Variants in SMYD3 observed in about 807,000 individuals in gnomAD.
The protein encoded by SMYD3 is SET and MYND domain containing 3, also known as histone-lysine N-methyltransferase SMYD3.
In SMYD3, 36 loss-of-function variants were observed where a neutral mutation model predicts 57.7. That is an observed-to-expected ratio of 0.62 (90% CI 0.48 to 0.82). The LOEUF is 0.82. Among genes scored for constraint, SMYD3 ranks in the 40% least tolerant of loss-of-function variants. The pLI is 0.00. For synonymous variants in SMYD3, 211 were observed against 195.0 expected, an observed-to-expected ratio of 1.08 and a Z score of -0.68; for missense variants, 515 against 538.8, an observed-to-expected ratio of 0.96 and a Z score of 0.44.
intron 11 of SMYD3, among the ~76,000 whole-genome samples, chr1:245,759,653 G>C (rs926386622): frequency 6.7e-4 from 102 of 152,226 alleles, no homozygotes; most frequent in African/African-American, 2.3e-3. Flanking sequence ...TCTAGGACTT[G>C]CGGCCTGGTG....
At chr1:245,760,559 G>A (rs80077957) in intron 11 of SMYD3, among the ~76,000 whole-genome samples, 5,129 of 152,228 alleles carry the variant, frequency 0.034, 206 homozygotes, top group Admixed American at 0.11. Context: ...CTAACCAGCA[G>A]GCCCAGGGGG....
chr1:246,431,603 G>A (rs1048464343), intron 1 of SMYD3, among the ~76,000 whole-genome samples: 4 of 152,108 alleles, frequency 2.6e-5, no homozygotes, highest in African/African-American at 7.2e-5. Flanking sequence ...GCTGGTGTGC[G>A]CCTGCAGTCC....
intron 5 of SMYD3, among the ~76,000 whole-genome samples, chr1:246,220,154 G>C (rs1558325161): frequency 6.6e-6 from 1 of 152,062 alleles, no homozygotes; most frequent in Non-Finnish European, 1.5e-5. Flanking sequence ...ATCTTAAATT[G>C]TCCCAAATGG....
chr1:246,366,977 A>T (rs1007323083), intron 1 of SMYD3, among the ~76,000 whole-genome samples: 1 of 152,050 alleles, frequency 6.6e-6, no homozygotes, highest in African/African-American at 2.4e-5. Flanking sequence ...TTCAAATTGA[A>T]CAACAAAGCC....
chr1:245,940,117 C>T (rs1250469030), intron 5 of SMYD3, among the ~76,000 whole-genome samples: 2 of 152,170 alleles, frequency 1.3e-5, no homozygotes, highest in Admixed American at 1.3e-4. Context: ...CAGGGGTTTA[C>T]GGACAGAACT....
At chr1:246,361,943 A>G (rs2065994839) in intron 1 of SMYD3, among the ~76,000 whole-genome samples, 1 of 152,132 alleles carries the variant, frequency 6.6e-6, no homozygotes, top group South Asian at 2.1e-4. Flanking sequence ...AAACCTATTG[A>G]AATTAAAAAA....
intron 5 of SMYD3, among the ~76,000 whole-genome samples, chr1:246,042,261 T>G (rs550856294): frequency 6.6e-6 from 1 of 152,270 alleles, no homozygotes; most frequent in South Asian, 2.1e-4. Flanking sequence ...TTTCTCTGGA[T>G]TCACAGATAT....
intron 5 of SMYD3, among the ~76,000 whole-genome samples, chr1:246,181,970 G>A (rs542936880): frequency 4.6e-5 from 7 of 152,190 alleles, no homozygotes; most frequent in African/African-American, 1.7e-4. Context: ...TTTCACAGGG[G>A]GCATTTGTAA....
chr1:246,101,153 G>A (rs1462627569), intron 5 of SMYD3, among the ~76,000 whole-genome samples: 1 of 140,674 alleles, frequency 7.1e-6, no homozygotes, highest in East Asian at 2.2e-4. Flanking sequence ...TACCTGAGAT[G>A]TTAGGGTTAG....
chr1:246,307,501 G>A (rs1405499248), intron 5 of SMYD3, among the ~76,000 whole-genome samples: 3 of 141,984 alleles, frequency 2.1e-5, no homozygotes, highest in East Asian at 2.2e-4. Context: ...CTCACTGCAA[G>A]CTCCGCCTCC....
At chr1:246,422,864 C>T (rs1203192222) in intron 1 of SMYD3, among the ~76,000 whole-genome samples, 1 of 152,050 alleles carries the variant, frequency 6.6e-6, no homozygotes, top group African/African-American at 2.4e-5. Flanking sequence ...CAAATATTTA[C>T]TGAACCCCTA....
intron 5 of SMYD3, among the ~76,000 whole-genome samples, chr1:246,267,365 G>GA (rs975330006): frequency 2.6e-5 from 4 of 151,812 alleles, no homozygotes; most frequent in East Asian, 1.9e-4. Context: ...TTTAAAAGTA[G>GA]AAAAAAAATG....
chr1:245,882,634 TC>T (rs1267514968), intron 8 of SMYD3, among the ~76,000 whole-genome samples: 2 of 152,096 alleles, frequency 1.3e-5, no homozygotes, highest in East Asian at 3.9e-4. Context: ...TACCCTTGGG[TC>T]CCAGTTCTTA....
At chr1:246,265,114 C>G (rs2064079658) in intron 5 of SMYD3, among the ~76,000 whole-genome samples, 1 of 152,166 alleles carries the variant, frequency 6.6e-6, no homozygotes, top group Non-Finnish European at 1.5e-5. Context: ...GACAATGGAT[C>G]AGACTGAAGC....
chr1:246,343,383 T>C (rs2065661607), intron 2 of SMYD3, among the ~76,000 whole-genome samples: 1 of 152,186 alleles, frequency 6.6e-6, no homozygotes, highest in South Asian at 2.1e-4. Flanking sequence ...CAAAGTGAAC[T>C]GGAACAGCCA....
chr1:246,292,733 A>G (rs2064719560), intron 5 of SMYD3, among the ~76,000 whole-genome samples: 2 of 152,302 alleles, frequency 1.3e-5, no homozygotes, highest in Admixed American at 1.3e-4. Context: ...CGTATTGCCA[A>G]CCTATTACTT....
chr1:245,806,124 A>G (rs1044131883), intron 10 of SMYD3, among the ~76,000 whole-genome samples: 3 of 152,160 alleles, frequency 2.0e-5, no homozygotes, highest in African/African-American at 4.8e-5. Flanking sequence ...CAGTTGTTCA[A>G]CTTTTTTTGC....
intron 5 of SMYD3, among the ~76,000 whole-genome samples, chr1:246,289,815 G>C (rs2064651298): frequency 6.6e-6 from 1 of 152,062 alleles, no homozygotes; most frequent in Non-Finnish European, 1.5e-5. Context: ...GGCAACCCCG[G>C]GTAAGTGGAT....
chr1:245,946,940 T>TTAAC (rs1486783433), intron 5 of SMYD3, among the ~76,000 whole-genome samples: 1 of 152,196 alleles, frequency 6.6e-6, no homozygotes, highest in Non-Finnish European at 1.5e-5. Flanking sequence ...CATATTTCTT[T>TTAAC]GTTAAGTCAC....
Sources: allele counts gnomAD v4.1 joint callset (sites outside exome capture counted in the v4.1 genomes callset), GRCh38; gene constraint gnomAD v4.1.1; transcripts MANE v1.5; gene names NCBI Gene and HGNC (gene_info 2026-07-23, HGNC 2026-07-21).